The following EBF3 variants were observed in gnomAD, a reference collection of about 807,000 sequenced individuals.
EBF3 encodes the protein transcription factor COE3.
EBF3 carries 18 observed loss-of-function variants against 77.1 expected under a neutral mutation model. The observed-to-expected ratio is 0.23, with a 90% CI of 0.16 to 0.35. The LOEUF (loss-of-function observed/expected upper bound fraction) is 0.35, where lower values mean the gene tolerates loss of function less well. Ranked by LOEUF, EBF3 falls within the 10% of genes least tolerant of loss-of-function variation. The pLI is 1.00. For synonymous variants in EBF3, 350 were observed against 343.5 expected, an observed-to-expected ratio of 1.02 and a Z score of -0.21; for missense variants, 558 against 860.0, an observed-to-expected ratio of 0.65 and a Z score of 4.39.
intron 4 of EBF3, among the ~76,000 whole-genome samples, chr10:129,959,358 GA>G (rs1859300236): frequency 6.6e-6 from 1 of 151,880 alleles, no homozygotes; most frequent in Non-Finnish European, 1.5e-5. Flanking sequence ...ACCGACCCCG[GA>G]ACCCGGGGCT....
At chr10:129,962,314 G>A in intron 3 of EBF3, 88 bp from the exon 4 acceptor site, 1 of 1,227,030 alleles carries the variant, frequency 8.1e-7, no homozygotes, top group Non-Finnish European at 1.2e-6. Flanking sequence ...CTGTAACTCA[G>A]GACTGCTGCC....
chr10:129,902,311 C>T (rs561319268), intron 6 of EBF3, among the ~76,000 whole-genome samples: 8 of 151,724 alleles, frequency 5.3e-5, no homozygotes, highest in African/African-American at 1.7e-4. Flanking sequence ...CCTAACTCCA[C>T]GGCAAGGAAA....
chr10:129,838,862 G>A (rs1849800236), intron 16 of EBF3, among the ~76,000 whole-genome samples: 1 of 152,208 alleles, frequency 6.6e-6, no homozygotes, highest in Non-Finnish European at 1.5e-5. Flanking sequence ...TTTACGGTTT[G>A]GAAGCCCTGT....
At chr10:129,889,330 G>C (rs1173363387) in intron 6 of EBF3, among the ~76,000 whole-genome samples, 1 of 152,246 alleles carries the variant, frequency 6.6e-6, no homozygotes, top group East Asian at 1.9e-4. Context: ...GTCCCCACTA[G>C]AGGGCTTCTC....
intron 4 of EBF3, among the ~76,000 whole-genome samples, chr10:129,959,592 G>T (rs986192966): frequency 1.3e-5 from 2 of 151,154 alleles, no homozygotes; most frequent in African/African-American, 4.9e-5. Context: ...GCGCCCCGCG[G>T]CTTCCCGCGG....
At position 129,841,044 on chromosome 10, in the gene EBF3, C is replaced by CCCA. The variant is rs780396336; in HGVS notation, c.1373-13_1373-12insTGG. On this transcript the variant is annotated splice_polypyrimidine_tract_variant and intron_variant, in intron 13 of 16. Transcript: ENST00000440978. This position sits in a 1 kb window ranked among gnomAD's most constrained non-coding sequence, Gnocchi z 4.6. ...GCGACTGTAGCCGACTGTTGAAATC[C>CCCA]CCCCCCCGGCCAAAAATAACATTAT... is the stretch of plus-strand genomic sequence containing the variant. 38 of 1,599,386 alleles carry CCCA rather than the reference C, an allele frequency of 2.4e-5. No homozygotes were observed. The highest frequency in any genetic ancestry group is 3.1e-5 in the Non-Finnish European group (36 of 1,172,096).
intron 6 of EBF3, among the ~76,000 whole-genome samples, chr10:129,909,446 G>A (rs1740683303): frequency 6.6e-6 from 1 of 152,224 alleles, no homozygotes; most frequent in Non-Finnish European, 1.5e-5. Context: ...GCCCTGGGAG[G>A]TGACACTCCC....
rs1858010818 is a variant in EBF3 at position 129,944,252 on chromosome 10, T to A, written c.554+13006A>T. Among the ~76,000 whole-genome samples the A allele has an allele frequency of 1.3e-5, 2 of 152,214 alleles. No individual in the cohort carries two copies. The highest frequency in any genetic ancestry group is 2.4e-5 in the African/African-American group (1 of 41,456). On this transcript the variant is annotated intron_variant, in intron 6 of 16. Transcript: ENST00000440978. This position sits in a 1 kb window ranked among gnomAD's most constrained non-coding sequence, Gnocchi z 5.1. Reference sequence around the variant, plus strand: ...TATTGTTTATTTGCGGGTGGGGTCATTTCTCCTTTCAGATTGGTCAATGAG... The same window carrying A: ...TATTGTTTATTTGCGGGTGGGGTCAATTCTCCTTTCAGATTGGTCAATGAG...
intron 6 of EBF3, among the ~76,000 whole-genome samples, chr10:129,880,130 A>C (rs1853088645): frequency 6.6e-6 from 1 of 152,070 alleles, no homozygotes; most frequent in Non-Finnish European, 1.5e-5. Context: ...ACTAGCCCTC[A>C]CTCGGCACTG....
intron 11 of EBF3, 163 bp from the exon 12 acceptor site, chr10:129,843,365 C>G (rs114362263): frequency 1.6e-6 from 1 of 638,136 alleles, no homozygotes; most frequent in South Asian, 2.2e-5. Flanking sequence ...CAGGAAGGCA[C>G]GTGCGTGCTG....
At chr10:129,903,543 G>A (rs915074480) in intron 6 of EBF3, among the ~76,000 whole-genome samples, 2 of 152,228 alleles carry the variant, frequency 1.3e-5, no homozygotes, top group Admixed American at 6.5e-5. Flanking sequence ...AAATTGTCAA[G>A]TACTAAACCT....
chr10:129,952,771 A>G lies in EBF3; in HGVS notation c.554+4487T>C, dbSNP rs1011508125. On this transcript the variant is annotated intron_variant, in intron 6 of 16. Transcript: ENST00000440978. This position sits in a 1 kb window ranked among gnomAD's most constrained non-coding sequence, Gnocchi z 4.7. ...TTGTAAGGCTTGGTAATAATCATACATAATCGTTTGGAAATATAGCTAATA... is the reference window on the plus strand; with the variant it reads ...TTGTAAGGCTTGGTAATAATCATACGTAATCGTTTGGAAATATAGCTAATA... Among the ~76,000 whole-genome samples, 2 of 152,232 alleles carry G rather than the reference A, an allele frequency of 1.3e-5. No homozygotes were observed. Among genetic ancestry groups the G allele is most frequent in the Non-Finnish European group, 2.9e-5 (2 of 68,042 alleles).
At chr10:129,838,236 G>A (rs1849745836) in intron 16 of EBF3, among the ~76,000 whole-genome samples, 1 of 152,246 alleles carries the variant, frequency 6.6e-6, no homozygotes, top group African/African-American at 2.4e-5. Flanking sequence ...AAGGGCTCCT[G>A]GCACTGCTGT....
At position 129,836,361 on chromosome 10, in the gene EBF3, TG is replaced by T. The variant is rs1849607623; in HGVS notation, c.*1581del. The stretch of plus-strand genomic sequence containing the variant: ...TCAGCTATGTGGCAAAGTCAATGGG[TG>T]GCATCTAAAATGACTTTTTACATTC... On this transcript the variant is annotated 3_prime_UTR_variant, in exon 17 of 17. Coordinates refer to ENST00000440978, the MANE Select transcript of EBF3 (RefSeq NM_001375380.1). The T allele has an allele frequency of 1.3e-5, 2 of 152,534 alleles. No homozygotes were observed. Among genetic ancestry groups the T allele is most frequent in the South Asian group, 4.1e-4 (2 of 4,824 alleles). 9.4% of individuals were successfully genotyped at this position (152,534 alleles called of 1,614,324 possible). A position where few individuals can be genotyped will look rare whatever the true frequency, so the allele number is the denominator to read the frequency against.
chr10:129,919,543 A>G (rs763042806), intron 6 of EBF3, among the ~76,000 whole-genome samples: 29 of 152,278 alleles, frequency 1.9e-4, no homozygotes, highest in East Asian at 1.9e-4. Context: ...AGGGCACCCC[A>G]GGGGCCAGCT....
intron 6 of EBF3, among the ~76,000 whole-genome samples, chr10:129,881,418 C>T (rs1406196945): frequency 6.6e-6 from 1 of 152,092 alleles, no homozygotes; most frequent in Non-Finnish European, 1.5e-5. Flanking sequence ...GAAATATGGG[C>T]TTTATTTACT....
At chr10:129,905,832 C>T (rs1356304988) in intron 6 of EBF3, among the ~76,000 whole-genome samples, 2 of 152,194 alleles carry the variant, frequency 1.3e-5, no homozygotes, top group African/African-American at 4.8e-5. Context: ...GTGGGTTGGG[C>T]CCCCGAGGTG....
At chr10:129,849,182 G>T (rs1269372873) in intron 10 of EBF3, among the ~76,000 whole-genome samples, 1 of 152,228 alleles carries the variant, frequency 6.6e-6, no homozygotes, top group African/African-American at 2.4e-5. Flanking sequence ...CCGTCCGACT[G>T]CACACACTGT....
At position 129,841,706 on chromosome 10, in the gene EBF3, C is replaced by T. The variant is rs1467876529; in HGVS notation, c.1372+410G>A. On this transcript the variant is annotated intron_variant, in intron 13 of 16. Transcript: ENST00000440978. This position sits in a 1 kb window ranked among gnomAD's most constrained non-coding sequence, Gnocchi z 4.6. Reference sequence around the variant, plus strand: ...GGGGTGGGGAAATGGGGGTCTGTCTCCATGGATTCGTTCCAAACTTAGACC... The same window carrying T: ...GGGGTGGGGAAATGGGGGTCTGTCTTCATGGATTCGTTCCAAACTTAGACC... Among the ~76,000 whole-genome samples, 2 of 152,122 alleles carry T rather than the reference C, an allele frequency of 1.3e-5. No homozygotes were observed. Among genetic ancestry groups the T allele is most frequent in the Admixed American group, 1.3e-4 (2 of 15,272 alleles).
Sources: allele counts gnomAD v4.1 joint callset (sites outside exome capture counted in the v4.1 genomes callset), GRCh38; gene constraint gnomAD v4.1.1; non-coding constraint Gnocchi (gnomAD v3.1); transcripts MANE v1.5; gene names NCBI Gene and HGNC (gene_info 2026-07-23, HGNC 2026-07-21).